The following UBE2G1 variants were observed in gnomAD, a reference collection of about 807,000 sequenced individuals.
UBE2G1 encodes the protein ubiquitin conjugating enzyme E2 G1.
A neutral mutation model predicts 22.7 loss-of-function variants in UBE2G1; 5 were observed. The ratio of observed to expected loss-of-function variants is 0.22; its 90% CI spans 0.12 to 0.46. UBE2G1 has a LOEUF of 0.46. UBE2G1 is among the 20% of genes least tolerant of loss of function. The pLI, the probability that UBE2G1 is intolerant of heterozygous loss-of-function variation, is 0.99. For missense variants in UBE2G1, 88 were observed against 203.9 expected (o/e 0.43, Z 3.46); for synonymous variants, 74 against 67.5 (o/e 1.10, Z -0.47).
intron 5 of UBE2G1, among the ~76,000 whole-genome samples, chr17:4,274,641 T>C (rs1326633775): frequency 6.6e-6 from 1 of 152,176 alleles, no homozygotes; most frequent in Non-Finnish European, 1.5e-5. Context: ...CATGTACCAA[T>C]CAATGTAAAT....
At chr17:4,343,416 A>G (rs1468052385) in intron 1 of UBE2G1, among the ~76,000 whole-genome samples, 2 of 152,008 alleles carry the variant, frequency 1.3e-5, no homozygotes, top group African/African-American at 2.4e-5. Context: ...AGGCAGAAGA[A>G]TTGCTTTAAC....
At chr17:4,325,275 T>C (rs1969492200) in intron 1 of UBE2G1, among the ~76,000 whole-genome samples, 1 of 152,152 alleles carries the variant, frequency 6.6e-6, no homozygotes, top group South Asian at 2.1e-4. Context: ...ATATAAATGA[T>C]GGGATTGTGG....
chr17:4,336,005 G>T (rs1969641313), intron 1 of UBE2G1, among the ~76,000 whole-genome samples: 1 of 152,050 alleles, frequency 6.6e-6, no homozygotes, highest in African/African-American at 2.4e-5. Context: ...AATTAGCCGG[G>T]CATGGTGGCA....
At chr17:4,285,695 T>C (rs940207429) in intron 4 of UBE2G1, among the ~76,000 whole-genome samples, 8 of 152,332 alleles carry the variant, frequency 5.3e-5, no homozygotes, top group Admixed American at 3.9e-4. Flanking sequence ...CTCATGCCTG[T>C]AATCCCAGCA....
rs1234087232 is a variant in UBE2G1 at position 4,271,547 on chromosome 17, T to C, written c.*1007A>G. 1.3e-5 allele frequency: 2 copies of C among 150,646 alleles called. No homozygotes were observed. The highest frequency in any genetic ancestry group is 3.0e-5 in the Non-Finnish European group (2 of 67,734). 9.3% of individuals were successfully genotyped at this position (150,646 alleles called of 1,614,324 possible). On this transcript the variant is annotated 3_prime_UTR_variant, in exon 6 of 6. Transcript: ENST00000396981. Reference sequence around the variant, plus strand: ...CTTTGTACAATAGGTGAGAAAAATCTGCAGTATAGAAGAATAGAGGCAGAG... The same window carrying C: ...CTTTGTACAATAGGTGAGAAAAATCCGCAGTATAGAAGAATAGAGGCAGAG...
In UBE2G1 at chr17:4,366,414, C is replaced by T; in HGVS notation, c.-98G>A. ...GCGGGGTGTGCCGAGGAACCCGGGC[C>T]CCGCGACCGGAGCGCCGGAGCCGAG... On this transcript the variant is annotated 5_prime_UTR_variant, in exon 1 of 6. Coordinates refer to ENST00000396981, the MANE Select transcript of UBE2G1 (RefSeq NM_003342.5). 1 of 1,257,844 alleles carries T rather than the reference C, an allele frequency of 8.0e-7. No homozygotes were observed. Among genetic ancestry groups the T allele is most frequent in the South Asian group, 2.1e-5 (1 of 48,550 alleles). 77.9% of individuals were successfully genotyped at this position (1,257,844 alleles called of 1,614,324 possible).
intron 3 of UBE2G1, among the ~76,000 whole-genome samples, chr17:4,293,846 T>G (rs550387384): frequency 6.6e-6 from 1 of 152,350 alleles, no homozygotes; most frequent in African/African-American, 2.4e-5. Flanking sequence ...TTACCCTTCC[T>G]GCAACACTAT....
chr17:4,282,599 T>C (rs1455814947), intron 5 of UBE2G1, among the ~76,000 whole-genome samples, 199 bp downstream of exon 5: 2 of 152,074 alleles, frequency 1.3e-5, no homozygotes, highest in Non-Finnish European at 2.9e-5. Flanking sequence ...ATGCAGAATA[T>C]CTAGTCAAAA....
Position 4,305,312 on chromosome 17 carries a change from T to C in UBE2G1, c.149+1709A>G, listed in dbSNP as rs1598187523. Among the ~76,000 whole-genome samples the C allele has an allele frequency of 2.0e-5, 3 of 152,338 alleles. No individual in the cohort carries two copies. In the South Asian group the frequency reaches 6.2e-4, roughly 32 times the overall value. On this transcript the variant is annotated intron_variant, in intron 2 of 5. Coordinates refer to ENST00000396981, the MANE Select transcript of UBE2G1 (RefSeq NM_003342.5). ...CTAAAAGGCTTACTTCTAACAAACC[T>C]TTCTTCATTCCCCTGTACCTTCCTT...
chr17:4,340,993 G>T (rs1969706283), intron 1 of UBE2G1, among the ~76,000 whole-genome samples: 1 of 150,036 alleles, frequency 6.7e-6, no homozygotes, highest in Admixed American at 6.6e-5. Flanking sequence ...GTCTTTCCAG[G>T]GTGAGTTTTA....
intron 1 of UBE2G1, among the ~76,000 whole-genome samples, chr17:4,312,632 C>G (rs763767497): frequency 2.2e-4 from 30 of 139,068 alleles, no homozygotes; most frequent in Non-Finnish European, 4.2e-4. Flanking sequence ...GGAGGCGGAG[C>G]TTGCAATGAG....
At chr17:4,344,267 G>A (rs922748481) in intron 1 of UBE2G1, among the ~76,000 whole-genome samples, 2 of 152,164 alleles carry the variant, frequency 1.3e-5, no homozygotes, top group East Asian at 1.9e-4. Flanking sequence ...CCGGCCGGGC[G>A]CGGTGGCTCG....
rs1229300394 is a variant in UBE2G1 at position 4,270,444 on chromosome 17, G to A, written c.*2110C>T. 6.6e-6 allele frequency: 1 copy of A among 151,884 alleles called. No individual in the cohort carries two copies. Among genetic ancestry groups the A allele is most frequent in the Middle Eastern group, 3.2e-3 (1 of 316 alleles). The allele number at this position is 151,884 out of a possible 1,614,324, so 9.4% of individuals were successfully genotyped here. ...TACACCTGTAGTCCTAGCTACTCAG[G>A]AGGCTGAGGCAGGAGGATCACTTGA... On this transcript the variant is annotated 3_prime_UTR_variant, in exon 6 of 6. Coordinates refer to ENST00000396981, the MANE Select transcript of UBE2G1 (RefSeq NM_003342.5).
chr17:4,356,271 T>C (rs1969905310), intron 1 of UBE2G1, among the ~76,000 whole-genome samples: 1 of 151,480 alleles, frequency 6.6e-6, no homozygotes, highest in Admixed American at 6.6e-5. Flanking sequence ...GGCAGGAGAA[T>C]CGCTTGAACC....
intron 5 of UBE2G1, among the ~76,000 whole-genome samples, chr17:4,273,091 C>G (rs765490123): frequency 2.0e-5 from 3 of 152,208 alleles, no homozygotes; most frequent in Non-Finnish European, 4.4e-5. Context: ...ACCACAGTTT[C>G]TAAGTGTTTC....
rs1968942023 is a variant in UBE2G1, at chr17:4,284,834, CTTTCTTTTTTTTTTTTT to C, written c.427-1930_427-1914del. ...TTTTCTTTTTCTTTTCTTTTCTTTT[CTTTCTTTTTTTTTTTTT>C]TTTTTTTTTTGGAGATAGGGTCTCA... On this transcript the variant is annotated intron_variant, in intron 4 of 5. Coordinates refer to ENST00000396981, the MANE Select transcript of UBE2G1 (RefSeq NM_003342.5). Among the ~76,000 whole-genome samples the C allele has an allele frequency of 1.2e-3, 98 of 83,506 alleles. 4 individuals are homozygous for C. In the East Asian group the frequency reaches 0.023, roughly 20 times the overall value. The allele number at this position is 83,506 out of a possible 152,430, so 54.8% of individuals were successfully genotyped here.
At chr17:4,354,596 G>C (rs1261877306) in intron 1 of UBE2G1, among the ~76,000 whole-genome samples, 2 of 152,090 alleles carry the variant, frequency 1.3e-5, no homozygotes, top group African/African-American at 4.8e-5. Context: ...GTTTCTACTA[G>C]CCAGCTCCAT....
At chr17:4,306,448 T>C (rs1969249670) in intron 2 of UBE2G1, among the ~76,000 whole-genome samples, 1 of 151,790 alleles carries the variant, frequency 6.6e-6, no homozygotes, top group Non-Finnish European at 1.5e-5. Context: ...CTCAGCCTCC[T>C]AAAGTGCTGG....
At chr17:4,319,291 A>G (rs534437247) in intron 1 of UBE2G1, among the ~76,000 whole-genome samples, 1 of 152,302 alleles carries the variant, frequency 6.6e-6, no homozygotes, top group South Asian at 2.1e-4. Flanking sequence ...AAATAATATC[A>G]AGGATATTCA....
Sources: gnomAD v4.1 joint callset for allele counts (sites outside exome capture counted in the v4.1 genomes callset) on GRCh38, gnomAD v4.1.1 for gene constraint, MANE v1.5 for transcripts, NCBI Gene and HGNC (gene_info 2026-07-23, HGNC 2026-07-21) for gene names.